TSSC4: variants seen among roughly 807,000 people sequenced by gnomAD.
TSSC4 encodes U5 small nuclear ribonucleoprotein TSSC4.
For missense variants in TSSC4, 500 were observed against 443.9 expected, an observed-to-expected ratio of 1.13 and a Z score of -1.14; for synonymous variants, 259 against 197.9, an observed-to-expected ratio of 1.31 and a Z score of -2.59.
rs1167657575 is a variant in TSSC4 at position 2,403,078 on chromosome 11, G to T, written c.445G>T (p.Val149Leu). 1 of 1,611,230 alleles carries T rather than the reference G, an allele frequency of 6.2e-7. No individual in the cohort carries two copies. The highest frequency in any genetic ancestry group is 1.3e-5 in the African/African-American group (1 of 74,888). ...RAHRSPASPR[V>L]PPVPDYVAHP... ...CCATCGGAGCCCTGCCTCACCAAGGGTGCCTCCGGTCCCCGACTACGTGGC... is the reference window on the plus strand; with the variant it reads ...CCATCGGAGCCCTGCCTCACCAAGGTTGCCTCCGGTCCCCGACTACGTGGC... Residue 149 changes from valine to leucine, a missense_variant, in exon 3 of 3, where the codon GTG becomes TTG. Val to Leu is a conservative substitution (Grantham distance 32, BLOSUM62 1). Transcript: ENST00000333256.
In TSSC4 at chr11:2,403,480, G is replaced by A. The variant is rs373938415; in HGVS notation, c.847G>A (p.Ala283Thr). 6.3e-6 allele frequency: 10 copies of A among 1,599,896 alleles called. No homozygotes were observed. The highest frequency in any genetic ancestry group is 3.4e-5 in the Admixed American group (2 of 58,364). Reference protein sequence around the residue: ...SHHGGLQEVEALSGSVHSGSV... With the variant: ...SHHGGLQEVETLSGSVHSGSV... ...CCATGGAGGCCTGCAGGAGGTGGAG[G>A]CACTGTCAGGGTCTGTCCACAGTGG... Residue 283 changes from alanine (A) to threonine (T), a missense_variant, in exon 3 of 3, where the codon GCA becomes ACA. Coordinates refer to ENST00000333256, the MANE Select transcript of TSSC4 (RefSeq NM_005706.4).
rs758236275 is a variant in TSSC4 at position 2,403,421 on chromosome 11, C to T, written c.788C>T (p.Pro263Leu). ...GPVELAHLAG[P>L]GSPEAEEWGS... The stretch of plus-strand genomic sequence containing the variant: ...GTGGAGCTGGCCCATCTGGCCGGGC[C>T]CGGGAGCCCAGAGGCTGAGGAGTGG... The change falls in exon 3 of 3, where the codon CCC (proline) becomes CTC (leucine). Residue 263 changes from proline (P) to leucine (L), a missense_variant. Transcript: ENST00000333256. 17 of 1,592,754 alleles carry T rather than the reference C, an allele frequency of 1.1e-5. No individual in the cohort carries two copies. In the East Asian group the frequency reaches 2.9e-4, roughly 27 times the overall value.
At position 2,402,818 on chromosome 11, in the gene TSSC4, C is replaced by T. The variant is rs1241046716; in HGVS notation, c.185C>T (p.Pro62Leu). 1 of 1,591,920 alleles carries T rather than the reference C, an allele frequency of 6.3e-7. No homozygotes were observed. The highest frequency in any genetic ancestry group is 1.7e-5 in the Admixed American group (1 of 57,986). Residue 62 changes from proline to leucine, a missense_variant, in exon 3 of 3, where the codon CCT becomes CTT. Physicochemically the swap from Pro to Leu is moderately conservative, Grantham distance 98 (BLOSUM62 -3). Transcript: ENST00000333256. ...MGLPGEEDSGPDEPPSPPSGL... is the reference protein window; with the variant it reads ...MGLPGEEDSGLDEPPSPPSGL... ...CTGCCTGGGGAGGAGGATTCAGGTC[C>T]TGATGAGCCGCCCTCACCCCCGTCA...
intron 1 of TSSC4, chr11:2,402,031 A>G (rs1003078963): frequency 6.6e-6 from 1 of 152,474 alleles, no homozygotes; most frequent in Non-Finnish European, 1.5e-5. Context: ...CAAGCAGCTT[A>G]TAAGTGGCCC....
chr11:2,402,683 A>C lies in TSSC4; in HGVS notation c.50A>C (p.His17Pro), dbSNP rs2234278. 0.021 allele frequency: 33,248 copies of C among 1,589,460 alleles called. 430 individuals carry two copies. The highest frequency in any genetic ancestry group is 0.048 in the Middle Eastern group (286 of 6,014). Residue 17 changes from histidine to proline, a missense_variant, in exon 3 of 3, where the codon CAC becomes CCC. Transcript: ENST00000333256. ...GEPSPSVEGE[H>P]GTEYDTLPSD... ...CCGTCCCCCAGCGTGGAGGGCGAACACGGGACGGAGTATGACACGCTGCCT... is the reference window on the plus strand; with the variant it reads ...CCGTCCCCCAGCGTGGAGGGCGAACCCGGGACGGAGTATGACACGCTGCCT...
rs1850174852 is a variant in TSSC4 at position 2,402,411 on chromosome 11, C to T, written c.-63C>T. ...CTTGGCCCGCTTGGCTGTCCAATCA[C>T]ACTCCAGTGTCAACCACTGGCACCC... On this transcript the variant is annotated 5_prime_UTR_variant, in exon 2 of 3. Transcript: ENST00000333256. 4 of 561,138 alleles carry T rather than the reference C, an allele frequency of 7.1e-6. No homozygotes were observed. In the East Asian group the frequency reaches 9.0e-5, roughly 13 times the overall value. The allele number at this position is 561,138 out of a possible 1,614,324, so 34.8% of individuals were successfully genotyped here.
In TSSC4 at chr11:2,403,345, C is replaced by T. The variant is rs754892018; in HGVS notation, c.712C>T (p.Pro238Ser). 19 of 1,611,910 alleles carry T rather than the reference C, an allele frequency of 1.2e-5. No individual in the cohort carries two copies. Among genetic ancestry groups the T allele is most frequent in the Non-Finnish European group, 4.2e-6 (5 of 1,179,342 alleles). Residue 238 changes from proline to serine, a missense_variant, in exon 3 of 3, where the codon CCA (proline) becomes TCA (serine). Coordinates refer to ENST00000333256, the MANE Select transcript of TSSC4 (RefSeq NM_005706.4). ...RKRVLGKVGE[P>S]GRGGLGNPAT... ...GAGGGTCCTGGGGAAGGTGGGAGAG[C>T]CAGGCAGGGGCGGCCTTGGGAATCC... is the stretch of plus-strand genomic sequence containing the variant.
intron 2 of TSSC4, 67 bp from the exon 3 acceptor site, chr11:2,402,544 G>T: frequency 7.3e-7 from 1 of 1,369,454 alleles, no homozygotes; most frequent in South Asian, 1.4e-5. Context: ...CAGTGGATCT[G>T]CAGGGGGAAC....
chr11:2,401,453 C>T (rs1850142349), intron 1 of TSSC4: 1 of 152,336 alleles, frequency 6.6e-6, no homozygotes, highest in Non-Finnish European at 1.5e-5. Flanking sequence ...GTGGCTTCTT[C>T]ACTGAGGAGA....
intron 2 of TSSC4, 38 bp from the exon 3 acceptor site, chr11:2,402,573 C>T: frequency 6.7e-7 from 1 of 1,494,708 alleles, no homozygotes; most frequent in Non-Finnish European, 9.0e-7. Context: ...AATACTGTTC[C>T]TCCTGAGAAA....
chr11:2,400,821 C>T (rs982406444), intron 1 of TSSC4, 23 bp downstream of exon 1: 4 of 151,956 alleles, frequency 2.6e-5, no homozygotes, highest in Admixed American at 2.0e-4. Flanking sequence ...TGAGGGAGGA[C>T]GGGCCGCGCG....
chr11:2,403,122 C>T lies in TSSC4; in HGVS notation c.489C>T (p.Thr163=). The T allele has an allele frequency of 6.2e-7, 1 of 1,612,660 alleles. No individual in the cohort carries two copies. The highest frequency in any genetic ancestry group is 8.5e-7 in the Non-Finnish European group (1 of 1,179,890). Residue 163 remains threonine (T), a synonymous_variant, in exon 3 of 3, where the codon ACC becomes ACT. Coordinates refer to ENST00000333256, the MANE Select transcript of TSSC4 (RefSeq NM_005706.4). ...PDYVAHPERW[T]KYSLEDVTEV... is the part of the protein sequence containing the mutation. Reference sequence around the variant, plus strand: ...ACGTGGCACACCCCGAGCGCTGGACCAAGTACAGCCTGGAAGATGTGACCG... The same window carrying T: ...ACGTGGCACACCCCGAGCGCTGGACTAAGTACAGCCTGGAAGATGTGACCG...
In TSSC4 at chr11:2,403,001, A is replaced by G; in HGVS notation, c.368A>G (p.Lys123Arg). 1 of 1,607,770 alleles carries G rather than the reference A, an allele frequency of 6.2e-7. No individual in the cohort carries two copies. The highest frequency in any genetic ancestry group is 1.1e-5 in the South Asian group (1 of 90,378). The change falls in exon 3 of 3, where the codon AAG becomes AGG. Residue 123 changes from lysine to arginine, a missense_variant. By Grantham distance (26) the Lys-to-Arg change is conservative. Transcript: ENST00000333256. ...AGCATGAGTGACAACGGAGGCTTCA[A>G]GCGGCCCCTAGCGCCCTCAGGCCGG... ...HTSMSDNGGFKRPLAPSGRSP... is the reference protein window; with the variant it reads ...HTSMSDNGGFRRPLAPSGRSP...
Position 2,403,630 on chromosome 11 carries a change from G to A in TSSC4, c.*7G>A, listed in dbSNP as rs774199679. Reference sequence around the variant, plus strand: ...CCCAGGTGCTGAGGTCTGAGAGGGAGATGGCCCAGCCTGACCCCACTGGCC... The same window carrying A: ...CCCAGGTGCTGAGGTCTGAGAGGGAAATGGCCCAGCCTGACCCCACTGGCC... On this transcript the variant is annotated 3_prime_UTR_variant, in exon 3 of 3. Transcript: ENST00000333256. 18 of 1,508,314 alleles carry A rather than the reference G, an allele frequency of 1.2e-5. No homozygotes were observed. The highest frequency in any genetic ancestry group is 1.6e-5 in the Non-Finnish European group (18 of 1,128,908). 93.4% of individuals were successfully genotyped at this position (1,508,314 alleles called of 1,614,324 possible).
In TSSC4 at chr11:2,403,380, CAG is replaced by C. The variant is rs764177223; in HGVS notation, c.748_749del (p.Arg250GlyfsTer19). The C allele has an allele frequency of 1.6e-5, 26 of 1,609,184 alleles. No individual in the cohort carries two copies. The highest frequency in any genetic ancestry group is 4.5e-5 in the East Asian group (2 of 44,858). On this transcript the variant is annotated frameshift_variant, in exon 3 of 3. Coordinates refer to ENST00000333256, the MANE Select transcript of TSSC4 (RefSeq NM_005706.4). LOFTEE classifies it low-confidence loss of function (END_TRUNC). ...RGGLGNPATDRGEGPVELAHL... is the reference protein window; with the variant it reads ...RGGLGNPATDXGEGPVELAHL... Reference sequence around the variant, plus strand: ...GCGGCCTTGGGAATCCTGCCACAGACAGGGGCGAGGGCCCTGTGGAGCTGGCC... The same window carrying C: ...GCGGCCTTGGGAATCCTGCCACAGACGGGCGAGGGCCCTGTGGAGCTGGCC...
rs767170902 is a variant in TSSC4, at chr11:2,403,635, C to A, written c.*12C>A. ...GTGCTGAGGTCTGAGAGGGAGATGG[C>A]CCAGCCTGACCCCACTGGCCACTGC... On this transcript the variant is annotated 3_prime_UTR_variant, in exon 3 of 3. Coordinates refer to ENST00000333256, the MANE Select transcript of TSSC4 (RefSeq NM_005706.4). The A allele has an allele frequency of 6.7e-7, 1 of 1,491,288 alleles. No individual in the cohort carries two copies. The highest frequency in any genetic ancestry group is 2.4e-5 in the East Asian group (1 of 41,650). The allele number at this position is 1,491,288 out of a possible 1,614,324, so 92.4% of individuals were successfully genotyped here.
chr11:2,403,701 C>T lies in TSSC4; in HGVS notation c.*78C>T. Reference sequence around the variant, plus strand: ...CCAGTGGGGCTGGTCAGGGGGCAGCCTGGCCACTGCCTAGCTGGAATGGGA... The same window carrying T: ...CCAGTGGGGCTGGTCAGGGGGCAGCTTGGCCACTGCCTAGCTGGAATGGGA... On this transcript the variant is annotated 3_prime_UTR_variant, in exon 3 of 3. Transcript: ENST00000333256. 1 of 1,378,986 alleles carries T rather than the reference C, an allele frequency of 7.3e-7. No individual in the cohort carries two copies. The highest frequency in any genetic ancestry group is 9.5e-7 in the Non-Finnish European group (1 of 1,049,074). 85.4% of individuals were successfully genotyped at this position (1,378,986 alleles called of 1,614,324 possible).
rs1565003443 is a variant in TSSC4 at position 2,403,737 on chromosome 11, A to T, written c.*114A>T. On this transcript the variant is annotated 3_prime_UTR_variant, in exon 3 of 3. Transcript: ENST00000333256. Reference sequence around the variant, plus strand: ...CTAGCTGGAATGGGAGGAAGCCTGCAGGTGGCACCGGTGGCCCTGGCTGCA... The same window carrying T: ...CTAGCTGGAATGGGAGGAAGCCTGCTGGTGGCACCGGTGGCCCTGGCTGCA... The T allele has an allele frequency of 8.5e-7, 1 of 1,170,150 alleles. No homozygotes were observed. 72.5% of individuals were successfully genotyped at this position (1,170,150 alleles called of 1,614,324 possible). A position where few individuals can be genotyped will look rare whatever the true frequency, so the allele number is the denominator to read the frequency against.
In TSSC4 at chr11:2,403,061, G is replaced by A; in HGVS notation, c.428G>A (p.Ser143Asn). Residue 143 changes from serine to asparagine, a missense_variant, in exon 3 of 3, where the codon AGC becomes AAC. Ser to Asn is a conservative substitution (Grantham distance 46). Coordinates refer to ENST00000333256, the MANE Select transcript of TSSC4 (RefSeq NM_005706.4). ...GAAGGCCTGGGCAGGGCCCATCGGAGCCCTGCCTCACCAAGGGTGCCTCCG... is the reference window on the plus strand; with the variant it reads ...GAAGGCCTGGGCAGGGCCCATCGGAACCCTGCCTCACCAAGGGTGCCTCCG... ...PVEGLGRAHR[S>N]PASPRVPPVP... 4 of 1,609,958 alleles carry A rather than the reference G, an allele frequency of 2.5e-6. No homozygotes were observed. Among genetic ancestry groups the A allele is most frequent in the Non-Finnish European group, 3.4e-6 (4 of 1,178,840 alleles).
Sources: gnomAD v4.1 joint callset for allele counts on GRCh38, gnomAD v4.1.1 for gene constraint, MANE v1.5 for transcripts, NCBI Gene and HGNC (gene_info 2026-07-23, HGNC 2026-07-21) for gene names.